Variants in FRMPD1 observed in about 807,000 individuals in gnomAD.
FRMPD1 encodes FERM and PDZ domain containing 1.
FRMPD1 carries 76 observed loss-of-function variants against 117.8 expected under a neutral mutation model. The observed-to-expected ratio is 0.65, with a 90% CI of 0.54 to 0.78. The LOEUF is 0.78. FRMPD1 is among the 30% of genes least tolerant of loss of function. The pLI, the probability that FRMPD1 is intolerant of heterozygous loss-of-function variation, is 0.00. For synonymous variants in FRMPD1, 783 were observed against 770.4 expected, an observed-to-expected ratio of 1.02 and a Z score of -0.27; for missense variants, 1,786 against 1,964.5, an observed-to-expected ratio of 0.91 and a Z score of 1.72.
In FRMPD1 at chr9:37,736,157, T is replaced by A. The variant is rs572361049; in HGVS notation, c.1401+423T>A. ...CTGGGACTACAGGCGCCCACCACCA[T>A]GCCCGGCTAATGTTTTGTATTTTTT... On this transcript the variant is annotated intron_variant, in intron 13 of 15. Transcript: ENST00000377765. Among the ~76,000 whole-genome samples, 21 of 152,002 alleles carry A rather than the reference T, an allele frequency of 1.4e-4. No individual in the cohort carries two copies. The East Asian group carries it at 4.1e-3, about 30-fold the overall frequency.
chr9:37,697,660 A>T (rs943560317), intron 2 of FRMPD1, among the ~76,000 whole-genome samples: 1 of 152,240 alleles, frequency 6.6e-6, no homozygotes, highest in Non-Finnish European at 1.5e-5. Flanking sequence ...ATGCAATGCA[A>T]ACTGCTTAAT....
intron 1 of FRMPD1, among the ~76,000 whole-genome samples, chr9:37,682,054 T>C (rs2117935329): frequency 6.6e-6 from 1 of 152,266 alleles, no homozygotes; most frequent in South Asian, 2.1e-4. Context: ...TTACATAGGA[T>C]TTGAATAAGT....
chr9:37,717,339 ATATGTG>A (rs1216046248), intron 5 of FRMPD1, among the ~76,000 whole-genome samples: 2 of 84,424 alleles, frequency 2.4e-5, no homozygotes, highest in Non-Finnish European at 5.4e-5. Context: ...GTATGTGTAT[ATATGTG>A]TGTGTGTGTG....
chr9:37,645,346 G>A, the FRMPD1 span, among the ~76,000 whole-genome samples: 1 of 152,104 alleles, frequency 6.6e-6, no homozygotes, highest in Non-Finnish European at 1.5e-5. Context: ...TTCTAACTGA[G>A]TCATTATGTC....
intron 8 of FRMPD1, 100 bp downstream of exon 8, chr9:37,729,953 T>C: frequency 1.6e-6 from 2 of 1,241,240 alleles, no homozygotes; most frequent in Non-Finnish European, 2.3e-6. Context: ...ATCTGCAGGT[T>C]TGATGCACTT....
chr9:37,664,118 T>C (rs925923309), intron 1 of FRMPD1, among the ~76,000 whole-genome samples: 4 of 152,038 alleles, frequency 2.6e-5, no homozygotes, highest in African/African-American at 9.7e-5. Flanking sequence ...TTAGGTTCTG[T>C]GTCTGACTCA....
At chr9:37,728,500 G>C (rs371803277) in intron 7 of FRMPD1, among the ~76,000 whole-genome samples, 1 of 152,182 alleles carries the variant, frequency 6.6e-6, no homozygotes, top group Non-Finnish European at 1.5e-5. Context: ...CGAATGCTTC[G>C]AGGCAGCAAA....
At chr9:37,690,490 A>G (rs1283115244) in intron 1 of FRMPD1, among the ~76,000 whole-genome samples, 7 of 152,062 alleles carry the variant, frequency 4.6e-5, no homozygotes, top group African/African-American at 1.4e-4. Flanking sequence ...TTCCTTAGAT[A>G]TTTATTGATA....
chr9:37,715,014 TGTC>T (rs1298913207), intron 5 of FRMPD1, among the ~76,000 whole-genome samples: 6 of 152,200 alleles, frequency 3.9e-5, no homozygotes, highest in African/African-American at 9.7e-5. Flanking sequence ...GCCTCATTGT[TGTC>T]GTGGTAGATT....
chr9:37,699,445 G>A (rs1822456209), intron 2 of FRMPD1, among the ~76,000 whole-genome samples: 1 of 151,206 alleles, frequency 6.6e-6, no homozygotes. Flanking sequence ...TCAGCCTCCT[G>A]AGTAGCTGGA....
the FRMPD1 span, among the ~76,000 whole-genome samples, chr9:37,637,714 T>G: frequency 6.6e-6 from 1 of 152,220 alleles, no homozygotes; most frequent in Non-Finnish European, 1.5e-5. Flanking sequence ...GGCCCAGGAT[T>G]GCTCATCCGT....
chr9:37,671,836 G>A (rs186429261), intron 1 of FRMPD1, among the ~76,000 whole-genome samples: 2 of 152,222 alleles, frequency 1.3e-5, no homozygotes, highest in Non-Finnish European at 2.9e-5. Flanking sequence ...CGTGGTGGTG[G>A]GCATCTGTAA....
chr9:37,668,086 A>G (rs1821223521), intron 1 of FRMPD1: 2 of 152,276 alleles, frequency 1.3e-5, no homozygotes, highest in Admixed American at 1.3e-4. Flanking sequence ...TGGATGCATC[A>G]TGAGACCTTG....
At chr9:37,659,201 A>C (rs1820925525) in intron 1 of FRMPD1, among the ~76,000 whole-genome samples, 1 of 152,146 alleles carries the variant, frequency 6.6e-6, no homozygotes, top group Non-Finnish European at 1.5e-5. Flanking sequence ...GCCGCCATTC[A>C]GCCATTGGCT....
the FRMPD1 span, among the ~76,000 whole-genome samples, chr9:37,615,702 G>A: frequency 2.6e-5 from 4 of 152,074 alleles, no homozygotes; most frequent in East Asian, 7.7e-4. Context: ...ATGGCTTAGA[G>A]CAATCTTATT....
the FRMPD1 span, among the ~76,000 whole-genome samples, chr9:37,608,577 A>C: frequency 6.6e-6 from 1 of 152,018 alleles, no homozygotes; most frequent in Admixed American, 6.6e-5. Flanking sequence ...TCCTGGGCTC[A>C]AGTGATCTTC....
intron 7 of FRMPD1, among the ~76,000 whole-genome samples, chr9:37,726,411 C>G (rs1823618456): frequency 6.6e-6 from 1 of 152,084 alleles, no homozygotes; most frequent in Non-Finnish European, 1.5e-5. Context: ...AATAAATTAC[C>G]CAGGGGCCGG....
At chr9:37,714,625 G>GTTTTATTTTA (rs1563944950) in intron 5 of FRMPD1, among the ~76,000 whole-genome samples, 2 of 66,594 alleles carry the variant, frequency 3.0e-5, no homozygotes, top group Non-Finnish European at 6.8e-5. Flanking sequence ...ATTTTATTTT[G>GTTTTATTTTA]TTTTGTTTTA....
At chr9:37,605,840 G>A in the FRMPD1 span, among the ~76,000 whole-genome samples, 2 of 151,854 alleles carry the variant, frequency 1.3e-5, no homozygotes, top group African/African-American at 4.8e-5. Context: ...TCAGCCTCCT[G>A]AGTAGCTGGG....
Sources: allele counts gnomAD v4.1 joint callset (sites outside exome capture counted in the v4.1 genomes callset), GRCh38; gene constraint gnomAD v4.1.1; transcripts MANE v1.5; gene names NCBI Gene and HGNC (gene_info 2026-07-23, HGNC 2026-07-21).